BTAF1: variants seen among roughly 807,000 people sequenced by gnomAD.
BTAF1 encodes B-TFIID TATA-box binding protein associated factor 1.
In BTAF1, 38 loss-of-function variants were observed where a neutral mutation model predicts 227.1. The ratio of observed to expected loss-of-function variants is 0.17; its 90% CI spans 0.13 to 0.22. BTAF1 has a LOEUF of 0.22. Among genes scored for constraint, BTAF1 ranks in the 10% least tolerant of loss-of-function variants. BTAF1 has a pLI of 1.00. For missense variants in BTAF1, 1,598 were observed against 2,204.0 expected (o/e 0.73, Z 5.51); for synonymous variants, 742 against 751.9 (o/e 0.99, Z 0.21).
intron 14 of BTAF1, among the ~76,000 whole-genome samples, chr10:91,979,147 G>A (rs1247656146): frequency 1.3e-5 from 2 of 152,046 alleles, no homozygotes; most frequent in Non-Finnish European, 2.9e-5. Context: ...CAAAGAACAT[G>A]AGCTTATTCT....
chr10:91,931,245 T>G (rs1164994926), intron 1 of BTAF1, among the ~76,000 whole-genome samples: 2 of 152,236 alleles, frequency 1.3e-5, no homozygotes, highest in Admixed American at 1.3e-4. Context: ...ACAGGTTACA[T>G]GAATCATATC....
intron 17 of BTAF1, 123 bp downstream of exon 17, chr10:91,982,348 A>G: frequency 7.4e-7 from 1 of 1,346,930 alleles, no homozygotes; most frequent in Non-Finnish European, 1.0e-6. Flanking sequence ...CACACTAATT[A>G]TAGCCTAAGG....
intron 12 of BTAF1, among the ~76,000 whole-genome samples, chr10:91,963,418 CAAAAAAA>C (rs71025375): frequency 3.1e-5 from 4 of 127,180 alleles, no homozygotes; most frequent in African/African-American, 1.2e-4. Flanking sequence ...GACTCCGTCT[CAAAAAAA>C]AAAAAAAAAA....
chr10:91,992,418 A>G (rs537768491), intron 21 of BTAF1, 109 bp downstream of exon 21: 65 of 1,085,326 alleles, frequency 6.0e-5, no homozygotes, highest in Non-Finnish European at 8.3e-5. Context: ...AAGTAAAGAA[A>G]TGGGATTAAT....
chr10:91,982,300 A>T, intron 17 of BTAF1, 75 bp downstream of exon 17: 1 of 1,594,208 alleles, frequency 6.3e-7, no homozygotes, highest in South Asian at 1.1e-5. Flanking sequence ...CCAACAGAAG[A>T]TTCCTCTGCT....
At position 92,008,251 on chromosome 10, in the gene BTAF1, T is replaced by G; in HGVS notation, c.3789T>G (p.Asn1263Lys). Residue 1263 changes from asparagine to lysine, a missense_variant, in exon 26 of 38, where the codon AAT becomes AAG. Transcript: ENST00000265990. The stretch of plus-strand genomic sequence containing the variant: ...ATTATAAAATTCCAGTACCAATCAA[T>G]GCTGAACTCAGAAAATATCAGCAGG... The part of the protein sequence containing the change: ...LENYKIPVPI[N>K]AELRKYQQDG... 6.3e-7 allele frequency: 1 copy of G among 1,580,796 alleles called. No individual in the cohort carries two copies. Among genetic ancestry groups the G allele is most frequent in the Non-Finnish European group, 8.5e-7 (1 of 1,171,994 alleles).
chr10:91,942,298 T>TTGTGTATGTG, intron 3 of BTAF1, 124 bp from the exon 4 acceptor site: 1 of 545,504 alleles, frequency 1.8e-6, no homozygotes, highest in Non-Finnish European at 3.0e-6. Context: ...AAAAAAAAGT[T>TTGTGTATGTG]TGTGTGTGTG....
At chr10:91,993,529 T>C (rs976963388) in intron 21 of BTAF1, among the ~76,000 whole-genome samples, 165 bp from the exon 22 acceptor site, 1 of 152,222 alleles carries the variant, frequency 6.6e-6, no homozygotes, top group South Asian at 2.1e-4. Context: ...AATTTAATTA[T>C]TGGGAAATGT....
At chr10:91,969,686 C>T (rs1847157264) in intron 14 of BTAF1, among the ~76,000 whole-genome samples, 1 of 152,092 alleles carries the variant, frequency 6.6e-6, no homozygotes, top group Non-Finnish European at 1.5e-5. Flanking sequence ...CCGTCGGGCC[C>T]AGCGTGGTGG....
chr10:91,946,531 A>G (rs1845376671), intron 4 of BTAF1, among the ~76,000 whole-genome samples: 1 of 152,144 alleles, frequency 6.6e-6, no homozygotes, highest in East Asian at 1.9e-4. Flanking sequence ...TGGCTCTGCT[A>G]TTTTACATTC....
chr10:91,946,097 T>C (rs1034450940), intron 4 of BTAF1, among the ~76,000 whole-genome samples: 1 of 152,220 alleles, frequency 6.6e-6, no homozygotes, highest in Admixed American at 6.5e-5. Context: ...CTACCTTTTA[T>C]CTGTTTTGAA....
chr10:92,026,618 T>C lies in BTAF1; in HGVS notation c.5102T>C (p.Val1701Ala), dbSNP rs1475021736. The change falls in exon 36 of 38, where the codon GTT (valine) becomes GCT (alanine). Residue 1701 changes from valine (V) to alanine (A), a missense_variant. By Grantham distance (64) the Val-to-Ala change is moderately conservative. Transcript: ENST00000265990. ...SRFNNDPSID[V>A]LLLTTHVGGL... is the part of the protein sequence containing the mutation. ...TTTAATAATGATCCATCTATAGACG[T>C]TCTGTTACTTACCACTCACGTTGGT... is the stretch of plus-strand genomic sequence containing the variant. The C allele has an allele frequency of 1.9e-6, 3 of 1,613,636 alleles. No individual in the cohort carries two copies. Among genetic ancestry groups the C allele is most frequent in the Non-Finnish European group, 2.5e-6 (3 of 1,179,750 alleles).
chr10:92,008,598 C>G lies in BTAF1; in HGVS notation c.3814-231C>G, dbSNP rs577038740. Among the ~76,000 whole-genome samples the G allele has an allele frequency of 2.0e-5, 3 of 151,936 alleles. No homozygotes were observed. The East Asian group carries it at 5.8e-4, about 29-fold the overall frequency. On this transcript the variant is annotated intron_variant, in intron 26 of 37. Coordinates refer to ENST00000265990, the MANE Select transcript of BTAF1 (RefSeq NM_003972.3). Reference sequence around the variant, plus strand: ...TCCTGGCTTCAAGTGATCCTCCCACCTTGGCCCCCCAAAGTGCTGGGATTA... The same window carrying G: ...TCCTGGCTTCAAGTGATCCTCCCACGTTGGCCCCCCAAAGTGCTGGGATTA...
At chr10:91,959,369 C>CAG in intron 9 of BTAF1, 1 of 921,774 alleles carries the variant, frequency 1.1e-6, no homozygotes, top group African/African-American at 1.7e-5. Flanking sequence ...TTGGTATTGC[C>CAG]TGGAGACACT....
Position 91,923,795 on chromosome 10 carries a change from A to G in BTAF1, c.-282A>G, listed in dbSNP as rs1052265397. 15 of 398,312 alleles carry G rather than the reference A, an allele frequency of 3.8e-5. No individual in the cohort carries two copies. The highest frequency in any genetic ancestry group is 5.4e-5 in the Non-Finnish European group (12 of 223,876). The allele number at this position is 398,312 out of a possible 1,614,324, so 24.7% of individuals were successfully genotyped here. ...AGTTGTGCGTGCCGACGCCCGCGTC[A>G]GCAAAGAGCGGAGCTGAGGGTACCC... On this transcript the variant is annotated 5_prime_UTR_variant, in exon 1 of 38. Transcript: ENST00000265990.
intron 32 of BTAF1, among the ~76,000 whole-genome samples, chr10:92,015,383 AACTT>A (rs1387612951): frequency 1.3e-5 from 2 of 152,204 alleles, no homozygotes; most frequent in African/African-American, 4.8e-5. Context: ...CATACCCAGA[AACTT>A]ACTTTTCCCC....
rs1346295913 is a variant in BTAF1, at chr10:91,992,321, T to G, written c.3045+12T>G. 7 of 1,546,872 alleles carry G rather than the reference T, an allele frequency of 4.5e-6. No homozygotes were observed. Among genetic ancestry groups the G allele is most frequent in the South Asian group, 2.5e-5 (2 of 80,420 alleles). Reference sequence around the variant, plus strand: ...TTGAACTTGATGAGGTAAGTAGTTTTTTTTTTTTTTTAATGCTTTGATTTT... The same window carrying G: ...TTGAACTTGATGAGGTAAGTAGTTTGTTTTTTTTTTTAATGCTTTGATTTT... On this transcript the variant is annotated intron_variant, in intron 21 of 37. Transcript: ENST00000265990.
rs1366927844 is a variant in BTAF1, at chr10:92,030,019, T to C, written c.*1086T>C. On this transcript the variant is annotated 3_prime_UTR_variant, in exon 38 of 38. Transcript: ENST00000265990. ...ATAGATGTGCATGTATGTGTTTGTA[T>C]ATATAATTTTATAAGTTTCACGCAT... 1 of 152,548 alleles carries C rather than the reference T, an allele frequency of 6.6e-6. No individual in the cohort carries two copies. Among genetic ancestry groups the C allele is most frequent in the Non-Finnish European group, 1.5e-5 (1 of 67,950 alleles). The allele number at this position is 152,548 out of a possible 1,614,324, so 9.4% of individuals were successfully genotyped here.
At position 92,028,936 on chromosome 10, in the gene BTAF1, A is replaced by G. The variant is rs374684428; in HGVS notation, c.*3A>G. On this transcript the variant is annotated 3_prime_UTR_variant, in exon 38 of 38. Coordinates refer to ENST00000265990, the MANE Select transcript of BTAF1 (RefSeq NM_003972.3). ...ATTTTATGCATTCTCTCAAGTAACT[A>G]TCAAATATTGTAAATGCAATTGCTG... 4.6e-5 allele frequency: 72 copies of G among 1,568,570 alleles called. No individual in the cohort carries two copies. The highest frequency in any genetic ancestry group is 5.9e-5 in the Non-Finnish European group (69 of 1,160,710).
Sources: allele counts gnomAD v4.1 joint callset (sites outside exome capture counted in the v4.1 genomes callset), GRCh38; gene constraint gnomAD v4.1.1; transcripts MANE v1.5; gene names NCBI Gene and HGNC (gene_info 2026-07-23, HGNC 2026-07-21).